SSC4D: variants seen among roughly 807,000 people sequenced by gnomAD.
SSC4D encodes scavenger receptor cysteine rich family member with 4 domains.
A neutral mutation model predicts 63.4 loss-of-function variants in SSC4D; 57 were observed. The observed-to-expected ratio is 0.90, with a 90% confidence interval of 0.73 to 1.12. SSC4D has a LOEUF of 1.12. SSC4D is among the 50% of genes most tolerant of loss of function. The pLI is 0.00. For missense variants in SSC4D, 791 were observed against 806.4 expected (o/e 0.98, Z 0.23); for synonymous variants, 352 against 345.4 (o/e 1.02, Z -0.21).
In SSC4D at chr7:76,392,021, G is replaced by A; in HGVS notation, c.1354C>T (p.Gln452Ter). ...GTCTCAGAACCATCCTGCTGGACTT[G>A]CAGTCCCAGCTCCTCTGGGCCTGGT... The part of the protein sequence containing the change: ...LCAGPEELGL[Q>*]VQQDGSETTR... Residue 452 changes from glutamine to a stop codon, truncating the protein, a stop_gained, in exon 10 of 11, where the codon CAA becomes TAA. Coordinates refer to ENST00000275560, the MANE Select transcript of SSC4D (RefSeq NM_080744.2). LOFTEE classifies it high-confidence loss of function. 2 of 1,580,382 alleles carry A rather than the reference G, an allele frequency of 1.3e-6. No individual in the cohort carries two copies. The highest frequency in any genetic ancestry group is 1.7e-6 in the Non-Finnish European group (2 of 1,162,602).
At chr7:76,405,935 C>T (rs1050764987) in intron 1 of SSC4D, among the ~76,000 whole-genome samples, 7 of 151,358 alleles carry the variant, frequency 4.6e-5, no homozygotes, top group African/African-American at 1.7e-4. Context: ...TTTCTTGCCT[C>T]CCTCCCTTTC....
At chr7:76,402,168 C>T (rs1484317039) in intron 2 of SSC4D, among the ~76,000 whole-genome samples, 1 of 150,240 alleles carries the variant, frequency 6.7e-6, no homozygotes, top group Non-Finnish European at 1.5e-5. Flanking sequence ...AAGCTCCTGC[C>T]ACCCTGCCCA....
intron 5 of SSC4D, among the ~76,000 whole-genome samples, chr7:76,398,352 C>T (rs2115770167): frequency 6.6e-6 from 1 of 150,956 alleles, no homozygotes; most frequent in Admixed American, 6.6e-5. Flanking sequence ...CTGTGTCCCC[C>T]AGGCTAGAGT....
chr7:76,399,534 G>A (rs530512357), intron 4 of SSC4D, among the ~76,000 whole-genome samples: 8 of 151,500 alleles, frequency 5.3e-5, no homozygotes, highest in South Asian at 4.2e-4. Flanking sequence ...CCCAATAGTC[G>A]TTTTTTTCTT....
chr7:76,398,970 A>T (rs1045736604), intron 4 of SSC4D, among the ~76,000 whole-genome samples, 173 bp from the exon 5 acceptor site: 1 of 152,166 alleles, frequency 6.6e-6, no homozygotes, highest in Non-Finnish European at 1.5e-5. Context: ...TCCACACCAG[A>T]GTCCTGGACT....
intron 6 of SSC4D, 66 bp downstream of exon 6, chr7:76,397,452 C>G: frequency 7.0e-7 from 1 of 1,433,924 alleles, no homozygotes; most frequent in Non-Finnish European, 9.1e-7. Flanking sequence ...AAGCCTCCTC[C>G]TCCAGCATTG....
chr7:76,391,963 C>A lies in SSC4D; in HGVS notation c.1411+1G>T. ...ACTTTCAGGGGATTATGGGCACCTA[C>A]CGTCCCTGGGCCGAGGAGTGGGCAC... On this transcript the variant is annotated splice_donor_variant, in intron 10 of 10. Transcript: ENST00000275560. LOFTEE classifies it high-confidence loss of function. 1 of 1,591,262 alleles carries A rather than the reference C, an allele frequency of 6.3e-7. No homozygotes were observed. Among genetic ancestry groups the A allele is most frequent in the Non-Finnish European group, 8.6e-7 (1 of 1,168,618 alleles).
intron 6 of SSC4D, 146 bp downstream of exon 6, chr7:76,397,372 G>T: frequency 1.0e-6 from 1 of 998,348 alleles, no homozygotes; most frequent in Non-Finnish European, 1.4e-6. Flanking sequence ...AAGTAATTTT[G>T]GATGCTGCCT....
Position 76,390,143 on chromosome 7 carries a change from A to G in SSC4D, c.1644T>C (p.Ala548=). 6.2e-7 allele frequency: 1 copy of G among 1,614,224 alleles called. No individual in the cohort carries two copies. Among genetic ancestry groups the G allele is most frequent in the Non-Finnish European group, 8.5e-7 (1 of 1,180,044 alleles). Residue 548 remains alanine, a synonymous_variant, in exon 11 of 11, where the codon GCT becomes GCC. Transcript: ENST00000275560. ...AGCGGATATGAGAGCAGAGCAGCAG[A>G]GCACTTTCTTCCCCACGGCACTTGA... The part of the protein sequence containing the change: ...DNVKCRGEES[A]LLLCSHIRWD...
In SSC4D at chr7:76,393,576, C is replaced by T. The variant is rs1405262081; in HGVS notation, c.1162G>A (p.Gly388Arg). 4 of 1,512,684 alleles carry T rather than the reference C, an allele frequency of 2.6e-6. No homozygotes were observed. The highest frequency in any genetic ancestry group is 3.5e-6 in the Non-Finnish European group (4 of 1,137,096). The allele number at this position is 1,512,684 out of a possible 1,614,324, so 93.7% of individuals were successfully genotyped here. A position where few individuals can be genotyped will look rare whatever the true frequency, so the allele number is the denominator to read the frequency against. Residue 388 changes from glycine (G) to arginine (R), a missense_variant, in exon 9 of 11, where the codon GGG (glycine) becomes AGG (arginine). Transcript: ENST00000275560. ...ARVACREAGC[G>R]PALGATGLGH... ...AGTCCCGTAGCGCCCAGCGCAGGCCCGCAGCCCGCTTCGCGGCAGGCCACG... is the reference window on the plus strand; with the variant it reads ...AGTCCCGTAGCGCCCAGCGCAGGCCTGCAGCCCGCTTCGCGGCAGGCCACG...
At chr7:76,395,192 C>T in intron 7 of SSC4D, 61 bp downstream of exon 7, 2 of 1,587,780 alleles carry the variant, frequency 1.3e-6, no homozygotes, top group Non-Finnish European at 1.7e-6. Context: ...ACATTCTTCC[C>T]AGTTCCCAGC....
intron 9 of SSC4D, 93 bp downstream of exon 9, chr7:76,393,312 C>G (rs559267318): frequency 3.2e-6 from 4 of 1,240,140 alleles, no homozygotes; most frequent in South Asian, 2.8e-5. Context: ...GCGGCAGTGC[C>G]GCAAGAGAGG....
chr7:76,404,580 C>T lies in SSC4D; in HGVS notation c.-66-75G>A, dbSNP rs59200556. 1,022 of 1,311,224 alleles carry T rather than the reference C, an allele frequency of 7.8e-4. 10 individuals are homozygous for T. The African/African-American group carries it at 0.014, about 18-fold the overall frequency. The allele number at this position is 1,311,224 out of a possible 1,614,324, so 81.2% of individuals were successfully genotyped here. ...GCCGAGGTGGGAGGATTGCTTGCAC[C>T]CAGGGGTTTGAGATCAGCCTGGGCA... is the stretch of plus-strand genomic sequence containing the variant. On this transcript the variant is annotated intron_variant, in intron 1 of 10. Transcript: ENST00000275560.
At chr7:76,402,225 G>T (rs1056337495) in intron 2 of SSC4D, among the ~76,000 whole-genome samples, 1 of 146,402 alleles carries the variant, frequency 6.8e-6, no homozygotes, top group Non-Finnish European at 1.5e-5. Flanking sequence ...CTCCATTCAG[G>T]CTGGAGCACA....
In SSC4D at chr7:76,390,357, T is replaced by C. The variant is rs772794076; in HGVS notation, c.1430A>G (p.Asn477Ser). 25 of 1,594,814 alleles carry C rather than the reference T, an allele frequency of 1.6e-5. No individual in the cohort carries two copies. The highest frequency in any genetic ancestry group is 6.8e-5 in the Admixed American group (4 of 58,876). The change falls in exon 11 of 11, where the codon AAT becomes AGT. Residue 477 changes from asparagine to serine, a missense_variant. Physicochemically the swap from Asn to Ser is conservative, Grantham distance 46. Transcript: ENST00000275560. ...RPRDGHLRLV[N>S]GAHRCEGRVE... ...ACGTCCCTCGCATCGGTGGGCTCCA[T>C]TGACCAGACGTAGATGCCCTGTGGG...
intron 9 of SSC4D, 85 bp from the exon 10 acceptor site, chr7:76,392,126 C>G: frequency 1.5e-6 from 2 of 1,370,030 alleles, no homozygotes; most frequent in Non-Finnish European, 2.0e-6. Flanking sequence ...CTGCTCTCCC[C>G]AGGAAAGCCT....
Position 76,393,517 on chromosome 7 carries a change from C to G in SSC4D, c.1221G>C (p.Leu407=). The G allele has an allele frequency of 6.6e-7, 1 of 1,524,990 alleles. No individual in the cohort carries two copies. The highest frequency in any genetic ancestry group is 8.7e-7 in the Non-Finnish European group (1 of 1,143,072). The allele number at this position is 1,524,990 out of a possible 1,614,324, so 94.5% of individuals were successfully genotyped here. ...TGCCGGCGCAGCCCACGTTGTCCAG[C>G]AGCACGGGGCCGCGGCCGTAGCCGA... ...GHFGYGRGPV[L]LDNVGCAGTE... is the part of the protein sequence containing the mutation. Residue 407 remains leucine, a synonymous_variant, in exon 9 of 11, where the codon CTG becomes CTC. Transcript: ENST00000275560.
In SSC4D at chr7:76,393,685, ACCCGGG is replaced by A; in HGVS notation, c.1047_1052del (p.Gly351_Pro352del). On this transcript the variant is annotated inframe_deletion, in exon 9 of 11. Coordinates refer to ENST00000275560, the MANE Select transcript of SSC4D (RefSeq NM_080744.2). ...ACACCTCCACGCGGCCGCGGCACGG[ACCCGGG>A]CCGCCCACCAGTCGCAGCCGTCCAC... The A allele has an allele frequency of 7.1e-7, 1 of 1,406,862 alleles. No individual in the cohort carries two copies. The highest frequency in any genetic ancestry group is 3.4e-5 in the Admixed American group (1 of 29,828). The allele number at this position is 1,406,862 out of a possible 1,614,324, so 87.1% of individuals were successfully genotyped here. A position where few individuals can be genotyped will look rare whatever the true frequency, so the allele number is the denominator to read the frequency against.
chr7:76,404,809 C>T (rs1020863406), intron 1 of SSC4D, among the ~76,000 whole-genome samples: 1 of 152,062 alleles, frequency 6.6e-6, no homozygotes, highest in Middle Eastern at 3.4e-3. Context: ...GTGGCTCATG[C>T]CTGTAATCCC....
Sources: allele counts gnomAD v4.1 joint callset (sites outside exome capture counted in the v4.1 genomes callset), GRCh38; gene constraint gnomAD v4.1.1; transcripts MANE v1.5; gene names NCBI Gene and HGNC (gene_info 2026-07-23, HGNC 2026-07-21).